The following ZPBP variants were observed in gnomAD, a reference collection of about 807,000 sequenced individuals.
The protein encoded by ZPBP is zona pellucida binding protein.
Under a neutral mutation model 44.8 loss-of-function variants are expected in ZPBP, and 26 were observed. The ratio of observed to expected loss-of-function variants is 0.58; its 90% confidence interval spans 0.43 to 0.81. The LOEUF is 0.81. ZPBP is among the 30% of genes least tolerant of loss of function. ZPBP has a pLI of 0.00. For missense variants in ZPBP, 409 were observed against 434.0 expected, an observed-to-expected ratio of 0.94 and a Z score of 0.51; for synonymous variants, 174 against 153.2, an observed-to-expected ratio of 1.14 and a Z score of -1.00.
chr7:50,016,295 C>A (rs564178185), intron 6 of ZPBP, among the ~76,000 whole-genome samples: 22 of 152,146 alleles, frequency 1.4e-4, no homozygotes, highest in Non-Finnish European at 3.1e-4. Flanking sequence ...TTATCCTCAA[C>A]AAATTAATGC....
chr7:50,089,496 T>A, intron 2 of ZPBP, 133 bp downstream of exon 2: 1 of 681,320 alleles, frequency 1.5e-6, no homozygotes, highest in South Asian at 1.9e-5. Context: ...ACAACTTTAA[T>A]CCACTTCTGT....
At chr7:50,056,835 G>C (rs373766914) in intron 4 of ZPBP, among the ~76,000 whole-genome samples, 16 of 152,096 alleles carry the variant, frequency 1.1e-4, no homozygotes, top group Admixed American at 7.2e-4. Context: ...AGGGAGATGG[G>C]GTAAAGTCTC....
At chr7:49,851,731 G>A (rs945753318) in intron 2 of ZPBP, among the ~76,000 whole-genome samples, 2 of 152,220 alleles carry the variant, frequency 1.3e-5, no homozygotes, top group African/African-American at 4.8e-5. Context: ...GCTGGCACAC[G>A]CCTATAATCC....
At chr7:50,043,284 A>T (rs781459408) in intron 4 of ZPBP, among the ~76,000 whole-genome samples, 1 of 152,212 alleles carries the variant, frequency 6.6e-6, no homozygotes, top group Non-Finnish European at 1.5e-5. Flanking sequence ...CAGGGCTCTC[A>T]GATCTGAAGG....
At chr7:50,087,600 T>C (rs1802729596) in intron 2 of ZPBP, among the ~76,000 whole-genome samples, 1 of 152,046 alleles carries the variant, frequency 6.6e-6, no homozygotes, top group Admixed American at 6.5e-5. Flanking sequence ...AACATCAGTA[T>C]GAAAATATCA....
At chr7:49,929,780 G>A (rs1384067417) in intron 1 of ZPBP, among the ~76,000 whole-genome samples, 2 of 152,300 alleles carry the variant, frequency 1.3e-5, no homozygotes, top group African/African-American at 4.8e-5. Context: ...GTAACTGGAT[G>A]ACAGTTTGAA....
At chr7:49,959,788 G>T (rs1460715171) in intron 7 of ZPBP, among the ~76,000 whole-genome samples, 4 of 151,984 alleles carry the variant, frequency 2.6e-5, no homozygotes, top group Admixed American at 2.0e-4. Flanking sequence ...AGGGAAAAAA[G>T]CAATCTTTAA....
chr7:50,025,471 A>G (rs895381829), intron 5 of ZPBP, among the ~76,000 whole-genome samples: 8 of 151,884 alleles, frequency 5.3e-5, no homozygotes, highest in Non-Finnish European at 1.2e-4. Context: ...AATCCCAGAA[A>G]TATACCCATG....
At chr7:50,027,247 C>A (rs1799381250) in intron 5 of ZPBP, among the ~76,000 whole-genome samples, 1 of 151,922 alleles carries the variant, frequency 6.6e-6, no homozygotes, top group African/African-American at 2.4e-5. Context: ...TACTATTTAG[C>A]CATCCTGGTG....
chr7:49,966,954 A>G (rs1320709092), intron 7 of ZPBP, among the ~76,000 whole-genome samples: 1 of 152,098 alleles, frequency 6.6e-6, no homozygotes, highest in Non-Finnish European at 1.5e-5. Context: ...GGGACAGAGG[A>G]AGGATAAAAT....
At chr7:50,061,078 A>C (rs1268173153) in intron 3 of ZPBP, among the ~76,000 whole-genome samples, 1 of 152,214 alleles carries the variant, frequency 6.6e-6, no homozygotes, top group Non-Finnish European at 1.5e-5. Context: ...TCATCTCAAC[A>C]GATGCAGAAA....
intron 3 of ZPBP, among the ~76,000 whole-genome samples, chr7:50,080,327 C>T (rs189777549): frequency 1.3e-5 from 2 of 151,712 alleles, no homozygotes; most frequent in Admixed American, 6.6e-5. Context: ...TCCCTGAGAA[C>T]AGTTTTTATA....
chr7:49,948,784 T>C (rs1478785568), intron 7 of ZPBP, among the ~76,000 whole-genome samples: 1 of 152,134 alleles, frequency 6.6e-6, no homozygotes, highest in African/African-American at 2.4e-5. Context: ...TAAAATGGTA[T>C]AGTGGCTATG....
intron 2 of ZPBP, among the ~76,000 whole-genome samples, chr7:49,867,465 G>A (rs935814203): frequency 2.0e-5 from 3 of 152,178 alleles, no homozygotes; most frequent in South Asian, 4.1e-4. Context: ...CCAAGCGAAG[G>A]AAAATGTTAA....
chr7:50,089,571 TA>T, intron 2 of ZPBP, 57 bp downstream of exon 2: 1 of 1,296,962 alleles, frequency 7.7e-7, no homozygotes, highest in Non-Finnish European at 1.1e-6. Flanking sequence ...AGAAGACTGA[TA>T]AATTTAAACA....
intron 2 of ZPBP, among the ~76,000 whole-genome samples, chr7:49,894,148 CTAGGCTTTTTCT>C (rs1375892234): frequency 1.6e-4 from 19 of 120,500 alleles, no homozygotes; most frequent in African/African-American, 5.3e-4. Context: ...TGTGTCGTTT[CTAGGCTTTTTCT>C]TTTCTTTCTT....
At chr7:50,070,759 T>C (rs1009824263) in intron 3 of ZPBP, among the ~76,000 whole-genome samples, 9 of 152,164 alleles carry the variant, frequency 5.9e-5, no homozygotes, top group African/African-American at 2.2e-4. Flanking sequence ...GGGGGAAGCA[T>C]ATTACAGAAG....
intron 3 of ZPBP, among the ~76,000 whole-genome samples, chr7:50,072,064 G>T (rs919562447): frequency 3.9e-5 from 6 of 152,308 alleles, no homozygotes; most frequent in Non-Finnish European, 8.8e-5. Context: ...AGCAACAAGT[G>T]GACTCTCAGG....
chr7:50,011,213 T>C (rs1465552046), intron 6 of ZPBP, among the ~76,000 whole-genome samples: 1 of 152,046 alleles, frequency 6.6e-6, no homozygotes, highest in Non-Finnish European at 1.5e-5. Flanking sequence ...AAAAATCAAC[T>C]CAATATGGAT....
Sources: gnomAD v4.1 joint callset for allele counts (sites outside exome capture counted in the v4.1 genomes callset) on GRCh38, gnomAD v4.1.1 for gene constraint, MANE v1.5 for transcripts, NCBI Gene and HGNC (gene_info 2026-07-23, HGNC 2026-07-21) for gene names.